Variants in ERBB4 observed in about 807,000 individuals in gnomAD.
ERBB4 encodes the protein erb-b2 receptor tyrosine kinase 4.
ERBB4 carries 42 observed loss-of-function variants against 158.0 expected under a neutral mutation model. The ratio of observed to expected loss-of-function variants is 0.27; its 90% CI spans 0.21 to 0.34. The LOEUF (loss-of-function observed/expected upper bound fraction) is 0.34. ERBB4 is among the 10% of genes least tolerant of loss of function. The pLI is 1.00. For missense variants in ERBB4, 1,333 were observed against 1,624.1 expected (o/e 0.82, Z 3.08); for synonymous variants, 583 against 558.7 (o/e 1.04, Z -0.61).
At chr2:212,134,824 C>T (rs1376886269) in intron 1 of ERBB4, among the ~76,000 whole-genome samples, 4 of 151,834 alleles carry the variant, frequency 2.6e-5, no homozygotes, top group African/African-American at 9.7e-5. Flanking sequence ...GCTGGGACTA[C>T]AGGCGCCCGC....
At chr2:212,370,129 T>A (rs1433178334) in intron 1 of ERBB4, among the ~76,000 whole-genome samples, 1 of 152,090 alleles carries the variant, frequency 6.6e-6, no homozygotes, top group Non-Finnish European at 1.5e-5. Context: ...GTAGAGATAA[T>A]TGAATCATGG....
intron 1 of ERBB4, among the ~76,000 whole-genome samples, chr2:212,336,588 G>A (rs904254623): frequency 1.1e-4 from 16 of 151,952 alleles, no homozygotes; most frequent in African/African-American, 3.1e-4. Context: ...TTGATAGCCC[G>A]AAATCACAGA....
chr2:212,478,888 G>A (rs1689542344), intron 1 of ERBB4, among the ~76,000 whole-genome samples: 1 of 152,130 alleles, frequency 6.6e-6, no homozygotes, highest in Non-Finnish European at 1.5e-5. Context: ...GGGCAGGAAT[G>A]ATGATTTAGC....
intron 3 of ERBB4, among the ~76,000 whole-genome samples, chr2:211,888,242 T>G (rs893576842): frequency 3.9e-5 from 6 of 152,210 alleles, no homozygotes; most frequent in Non-Finnish European, 7.3e-5. Flanking sequence ...TTTATTAGCA[T>G]AGAACACAGG....
In ERBB4 at chr2:211,871,047, G is replaced by A. The variant is rs1050484870; in HGVS notation, c.421+76383C>T. ...AGTGTCACATCATCATGTGATTAGTGCTATATTTGAAGGTGAGTAATATTT... is the reference window on the plus strand; with the variant it reads ...AGTGTCACATCATCATGTGATTAGTACTATATTTGAAGGTGAGTAATATTT... On this transcript the variant is annotated intron_variant, in intron 3 of 27. Transcript: ENST00000342788. 3.3e-5 allele frequency among the ~76,000 whole-genome samples: 5 copies of A among 152,150 alleles called. No homozygotes were observed. In the East Asian group the frequency reaches 9.6e-4, roughly 29 times the overall value.
intron 20 of ERBB4, among the ~76,000 whole-genome samples, chr2:211,493,726 C>T (rs773779493): frequency 1.3e-5 from 2 of 152,006 alleles, no homozygotes; most frequent in Non-Finnish European, 2.9e-5. Flanking sequence ...GAAACAATCA[C>T]TTTTCAGAGA....
chr2:212,204,017 A>T (rs2082663266), intron 1 of ERBB4, among the ~76,000 whole-genome samples: 1 of 152,230 alleles, frequency 6.6e-6, no homozygotes, highest in Admixed American at 6.5e-5. Flanking sequence ...AACATGCATG[A>T]ATGTTCTAAA....
At chr2:212,030,450 C>T (rs1290989243) in intron 2 of ERBB4, among the ~76,000 whole-genome samples, 1 of 152,044 alleles carries the variant, frequency 6.6e-6, no homozygotes, top group Non-Finnish European at 1.5e-5. Flanking sequence ...TAGATAAAAT[C>T]CAAATTATTT....
chr2:212,104,630 T>A (rs564581799), intron 2 of ERBB4, among the ~76,000 whole-genome samples: 1 of 152,162 alleles, frequency 6.6e-6, no homozygotes, highest in African/African-American at 2.4e-5. Flanking sequence ...TCTGCCTAAG[T>A]TCATTCAGCT....
At chr2:211,924,554 C>T (rs765819904) in intron 3 of ERBB4, among the ~76,000 whole-genome samples, 7 of 151,750 alleles carry the variant, frequency 4.6e-5, no homozygotes, top group Non-Finnish European at 8.8e-5. Context: ...GTTAGATACA[C>T]GTCAAATCGA....
intron 3 of ERBB4, among the ~76,000 whole-genome samples, chr2:211,931,324 C>T (rs965079770): frequency 3.3e-5 from 5 of 152,000 alleles, no homozygotes; most frequent in African/African-American, 4.8e-5. Flanking sequence ...TATTATAGCA[C>T]GTTGTTATCT....
chr2:211,653,034 T>TC (rs2071059821), intron 16 of ERBB4, among the ~76,000 whole-genome samples: 1 of 152,146 alleles, frequency 6.6e-6, no homozygotes, highest in Non-Finnish European at 1.5e-5. Context: ...AATCAAATAT[T>TC]CTATTCTATC....
chr2:212,005,313 A>G (rs79527597), intron 2 of ERBB4, among the ~76,000 whole-genome samples: 1 of 152,216 alleles, frequency 6.6e-6, no homozygotes, highest in African/African-American at 2.4e-5. Flanking sequence ...TACCACCTTC[A>G]ATAGCACAGC....
rs142539188 is a variant in ERBB4, at chr2:211,863,897, T to A, written c.422-75738A>T. 1.1e-3 allele frequency among the ~76,000 whole-genome samples: 163 copies of A among 152,318 alleles called. 1 individual carries two copies. In the Middle Eastern group the frequency reaches 0.02, roughly 19 times the overall value. ...TCAGTGGAAAAATTGAGAGGATTCATCATTCAATTATCTTTTCTTTCCTCC... is the reference window on the plus strand; with the variant it reads ...TCAGTGGAAAAATTGAGAGGATTCAACATTCAATTATCTTTTCTTTCCTCC... On this transcript the variant is annotated intron_variant, in intron 3 of 27. Transcript: ENST00000342788.
intron 20 of ERBB4, among the ~76,000 whole-genome samples, chr2:211,539,242 G>C (rs1441915847): frequency 6.6e-6 from 1 of 151,812 alleles, no homozygotes; most frequent in Non-Finnish European, 1.5e-5. Flanking sequence ...AGTTATATTG[G>C]TATATTAATC....
intron 2 of ERBB4, among the ~76,000 whole-genome samples, chr2:212,010,629 G>C (rs1002244076): frequency 6.6e-6 from 1 of 152,158 alleles, no homozygotes; most frequent in African/African-American, 2.4e-5. Flanking sequence ...ATATTCAGTA[G>C]TGCACGTATT....
intron 19 of ERBB4, among the ~76,000 whole-genome samples, chr2:211,569,561 A>G (rs1044187576): frequency 1.9e-4 from 29 of 152,222 alleles, no homozygotes; most frequent in African/African-American, 6.8e-4. Flanking sequence ...TGTGATAGAT[A>G]ATGAAACGGT....
At chr2:211,875,973 A>G (rs1344601326) in intron 3 of ERBB4, among the ~76,000 whole-genome samples, 5 of 152,264 alleles carry the variant, frequency 3.3e-5, no homozygotes, top group South Asian at 2.1e-4. Flanking sequence ...AATACACTCT[A>G]TGATGTTCAC....
At chr2:211,812,907 G>C (rs2076792668) in intron 3 of ERBB4, among the ~76,000 whole-genome samples, 2 of 152,220 alleles carry the variant, frequency 1.3e-5, no homozygotes. Flanking sequence ...GAAAAATGCA[G>C]TATTTGGGCG....
Sources: allele counts gnomAD v4.1 joint callset (sites outside exome capture counted in the v4.1 genomes callset), GRCh38; gene constraint gnomAD v4.1.1; transcripts MANE v1.5; gene names NCBI Gene and HGNC (gene_info 2026-07-23, HGNC 2026-07-21).